The following DIS3L variants were observed in gnomAD, a reference collection of about 807,000 sequenced individuals.
The protein encoded by DIS3L is DIS3 like exosome 3'-5' exoribonuclease, also known as DIS3-like exonuclease 1.
Under a neutral mutation model 120.3 loss-of-function variants are expected in DIS3L, and 100 were observed. The observed-to-expected ratio is 0.83, with a 90% CI of 0.71 to 0.98. The LOEUF (loss-of-function observed/expected upper bound fraction) is 0.98, where lower values mean the gene tolerates loss of function less well. Among genes scored for constraint, DIS3L ranks in the 50% least tolerant of loss-of-function variants. DIS3L has a pLI of 0.00. For synonymous variants in DIS3L, 426 were observed against 470.6 expected (o/e 0.91, Z 1.23); for missense variants, 1,196 against 1,314.2 (o/e 0.91, Z 1.39).
intron 8 of DIS3L, among the ~76,000 whole-genome samples, chr15:66,319,293 C>G (rs2092854909): frequency 6.6e-6 from 1 of 152,158 alleles, no homozygotes; most frequent in African/African-American, 2.4e-5. Context: ...ATTAAGTAGT[C>G]TGTGGTTAAT....
chr15:66,304,634 C>T (rs1183822814), intron 2 of DIS3L, among the ~76,000 whole-genome samples: 1 of 152,140 alleles, frequency 6.6e-6, no homozygotes, highest in Non-Finnish European at 1.5e-5. Context: ...GGCGTGACGG[C>T]TTATGCCTAT....
chr15:66,294,843 C>T (rs2092567880), intron 1 of DIS3L, 145 bp from the exon 2 acceptor site: 2 of 852,782 alleles, frequency 2.3e-6, no homozygotes, highest in African/African-American at 1.7e-5. Context: ...AACTTTGGGC[C>T]TCTACCAAAG....
chr15:66,332,056 CAT>C (rs1566963550), intron 15 of DIS3L, 36 bp downstream of exon 15: 1 of 1,570,982 alleles, frequency 6.4e-7, no homozygotes, highest in African/African-American at 1.4e-5. Context: ...CATAAGAAAT[CAT>C]AGTTAAAAGT....
chr15:66,331,961 C>T lies in DIS3L; in HGVS notation c.2622C>T (p.Cys874=). Residue 874 remains cysteine (C), a synonymous_variant, in exon 15 of 17, where the codon TGC becomes TGT. Coordinates refer to ENST00000319212, the MANE Select transcript of DIS3L (RefSeq NM_001143688.3). ...AAGACCCTGCCACCGAGGAGCGTTG[C>T]ATATCTGACGGAGTTATTTATTCAA... ...KDKDPATEER[C]ISDGVIYSIR... is the part of the protein sequence containing the mutation. The T allele has an allele frequency of 1.9e-6, 3 of 1,613,302 alleles. No individual in the cohort carries two copies. Among genetic ancestry groups the T allele is most frequent in the Non-Finnish European group, 2.5e-6 (3 of 1,179,688 alleles).
At chr15:66,329,165 G>C (rs376096756) in intron 13 of DIS3L, 41 bp downstream of exon 13, 1 of 1,590,164 alleles carries the variant, frequency 6.3e-7, no homozygotes, top group Non-Finnish European at 8.6e-7. Flanking sequence ...GTAACTTTGC[G>C]CTAGTTATTT....
intron 4 of DIS3L, among the ~76,000 whole-genome samples, chr15:66,310,401 G>A (rs2092748561): frequency 6.6e-6 from 1 of 152,092 alleles, no homozygotes; most frequent in South Asian, 2.1e-4. Context: ...TAGTCCAGTG[G>A]TATAGTACAG....
At position 66,329,083 on chromosome 15, in the gene DIS3L, TCTC is replaced by T. The variant is rs1566960573; in HGVS notation, c.2317_2319del (p.Ser773del). The T allele has an allele frequency of 1.2e-6, 2 of 1,614,142 alleles. No homozygotes were observed. The highest frequency in any genetic ancestry group is 1.3e-5 in the African/African-American group (1 of 75,056). Reference sequence around the variant, plus strand: ...CAGGCCATGTCGAATGCTCTGTACTTCTCCACCGGATCCTGTGCGGAGGAGGAG... The same window carrying T: ...CAGGCCATGTCGAATGCTCTGTACTTCACCGGATCCTGTGCGGAGGAGGAG... On this transcript the variant is annotated inframe_deletion, in exon 13 of 17. Transcript: ENST00000319212.
chr15:66,312,780 A>G (rs2092775462), intron 5 of DIS3L, among the ~76,000 whole-genome samples: 1 of 152,206 alleles, frequency 6.6e-6, no homozygotes. Flanking sequence ...CACCACAATC[A>G]AGATACAGAA....
Position 66,333,509 on chromosome 15 carries a change from T to C in DIS3L, c.*197T>C. The C allele has an allele frequency of 4.2e-6, 2 of 476,788 alleles. No homozygotes were observed. The highest frequency in any genetic ancestry group is 7.2e-6 in the Non-Finnish European group (2 of 275,906). 29.5% of individuals were successfully genotyped at this position (476,788 alleles called of 1,614,324 possible). A position where few individuals can be genotyped will look rare whatever the true frequency, so the allele number is the denominator to read the frequency against. ...ACTTTGGGAGGCTGAGGCGGGCGGA[T>C]CACGAGGTCAGGAGATTGAGACCAT... On this transcript the variant is annotated 3_prime_UTR_variant, in exon 17 of 17. Coordinates refer to ENST00000319212, the MANE Select transcript of DIS3L (RefSeq NM_001143688.3).
chr15:66,314,099 G>A lies in DIS3L; in HGVS notation c.796G>A (p.Ala266Thr), dbSNP rs767539701. 3 of 1,522,796 alleles carry A rather than the reference G, an allele frequency of 2.0e-6. No individual in the cohort carries two copies. The highest frequency in any genetic ancestry group is 2.9e-5 in the African/African-American group (2 of 70,136). The allele number at this position is 1,522,796 out of a possible 1,614,324, so 94.3% of individuals were successfully genotyped here. Residue 266 changes from alanine (A) to threonine (T), a missense_variant, in exon 6 of 17, where the codon GCC (alanine) becomes ACC (threonine). Coordinates refer to ENST00000319212, the MANE Select transcript of DIS3L (RefSeq NM_001143688.3). ...QIEAFVRLQG[A>T]SSKDSDLVSD... ...AGAAGCTTTTGTTCGACTTCAAGGA[G>A]CCAGCAGTAAAGATTCAGGTTCAGT...
chr15:66,303,061 A>G (rs2140330660), intron 2 of DIS3L, among the ~76,000 whole-genome samples: 1 of 152,286 alleles, frequency 6.6e-6, no homozygotes, highest in South Asian at 2.1e-4. Flanking sequence ...AACTGGAATG[A>G]CACAGTGTTT....
In DIS3L at chr15:66,322,830, A is replaced by G. The variant is rs1193802579; in HGVS notation, c.1470A>G (p.Ser490=). 1 of 1,614,240 alleles carries G rather than the reference A, an allele frequency of 6.2e-7. No individual in the cohort carries two copies. Among genetic ancestry groups the G allele is most frequent in the Non-Finnish European group, 8.5e-7 (1 of 1,180,042 alleles). Residue 490 remains serine (S), a synonymous_variant, in exon 10 of 17, where the codon TCA becomes TCG. Coordinates refer to ENST00000319212, the MANE Select transcript of DIS3L (RefSeq NM_001143688.3). The stretch of plus-strand genomic sequence containing the variant: ...GTGAAGATGTGGATGACACACTCTC[A>G]GTCAGAACCTTAAATAATGGCAACC... The part of the protein sequence containing the change: ...KGCEDVDDTL[S]VRTLNNGNLE...
In DIS3L at chr15:66,311,981, T is replaced by C. The variant is rs554474320; in HGVS notation, c.735+81T>C. The C allele has an allele frequency of 1.9e-4, 282 of 1,491,868 alleles. 3 individuals are homozygous for C. In the South Asian group the frequency reaches 3.2e-3, roughly 17 times the overall value. 92.4% of individuals were successfully genotyped at this position (1,491,868 alleles called of 1,614,324 possible). A position where few individuals can be genotyped will look rare whatever the true frequency, so the allele number is the denominator to read the frequency against. ...ATCCCAGCACTTTGGCTAAGGCTGATAGATTGCTTTAGCCCAGGAGCTGGA... is the reference window on the plus strand; with the variant it reads ...ATCCCAGCACTTTGGCTAAGGCTGACAGATTGCTTTAGCCCAGGAGCTGGA... On this transcript the variant is annotated intron_variant, in intron 5 of 16. Transcript: ENST00000319212.
chr15:66,306,160 AG>A, intron 2 of DIS3L, among the ~76,000 whole-genome samples: 1 of 152,294 alleles, frequency 6.6e-6, no homozygotes, highest in South Asian at 2.1e-4. Context: ...TTTTTGGTAG[AG>A]ACAGGGTCTC....
intron 12 of DIS3L, 87 bp from the exon 13 acceptor site, chr15:66,328,883 A>T (rs148317715): frequency 6.8e-7 from 1 of 1,478,962 alleles, no homozygotes; most frequent in Admixed American, 2.4e-5. Context: ...GAAGGTATTC[A>T]GACGGATGAG....
At position 66,309,094 on chromosome 15, in the gene DIS3L, A is replaced by AAAAAAATATAT; in HGVS notation, c.558+251_558+252insAAAAATATATA. ...CTTGTCTCTACAGAAAAAAAAAAAA[A>AAAAAAATATAT]ATATATATATCTCCAAGCATGGTGG... On this transcript the variant is annotated intron_variant, in intron 4 of 16. Coordinates refer to ENST00000319212, the MANE Select transcript of DIS3L (RefSeq NM_001143688.3). Among the ~76,000 whole-genome samples the AAAAAAATATAT allele has an allele frequency of 2.6e-4, 4 of 15,316 alleles. 1 individual carries two copies. Among genetic ancestry groups the AAAAAAATATAT allele is most frequent in the South Asian group, 0.017 (2 of 118 alleles). The allele number at this position is 15,316 out of a possible 152,430, so 10.0% of individuals were successfully genotyped here. A position where few individuals can be genotyped will look rare whatever the true frequency, so the allele number is the denominator to read the frequency against.
intron 11 of DIS3L, among the ~76,000 whole-genome samples, chr15:66,324,571 C>A (rs2092917252): frequency 6.6e-6 from 1 of 152,178 alleles, no homozygotes; most frequent in East Asian, 1.9e-4. Flanking sequence ...GTGTTTAGAT[C>A]AATATAATCA....
chr15:66,328,962 T>C lies in DIS3L; in HGVS notation c.2202-8T>C, dbSNP rs1006581368. On this transcript the variant is annotated splice_region_variant and splice_polypyrimidine_tract_variant and intron_variant, in intron 12 of 16. Coordinates refer to ENST00000319212, the MANE Select transcript of DIS3L (RefSeq NM_001143688.3). ...GGACTAGCTAACGGTTTTTCTGTTC[T>C]TTGTCAGGTCCAATAAAACACTGGC... The C allele has an allele frequency of 6.2e-7, 1 of 1,609,192 alleles. No individual in the cohort carries two copies. Among genetic ancestry groups the C allele is most frequent in the Non-Finnish European group, 8.5e-7 (1 of 1,178,760 alleles).
At chr15:66,309,258 T>C (rs2092737033) in intron 4 of DIS3L, among the ~76,000 whole-genome samples, 2 of 150,260 alleles carry the variant, frequency 1.3e-5, no homozygotes, top group East Asian at 2.0e-4. Flanking sequence ...TCTCAACAAA[T>C]GAAGTTCTAC....
Sources: gnomAD v4.1 joint callset for allele counts (sites outside exome capture counted in the v4.1 genomes callset) on GRCh38, gnomAD v4.1.1 for gene constraint, MANE v1.5 for transcripts, NCBI Gene and HGNC (gene_info 2026-07-23, HGNC 2026-07-21) for gene names.